Variants in RSPH14 observed in about 807,000 individuals in gnomAD.
The protein encoded by RSPH14 is rhabdoid tumor deletion region gene 1.
A neutral mutation model predicts 26.7 loss-of-function variants in RSPH14; 20 were observed. The ratio of observed to expected loss-of-function variants is 0.75; its 90% CI spans 0.53 to 1.09. The LOEUF is 1.09. RSPH14 is among the 50% of genes least tolerant of loss of function. The pLI is 0.00. For synonymous variants in RSPH14, 177 were observed against 189.3 expected (o/e 0.93, Z 0.53); for missense variants, 449 against 457.2 (o/e 0.98, Z 0.16).
At chr22:23,180,058 G>T in the RSPH14 span, 22 of 348,896 alleles carry the variant, frequency 6.3e-5, no homozygotes, top group Admixed American at 5.3e-4. Context: ...AGGGGCAGAG[G>T]GGGGAGGTTG....
At chr22:23,088,025 C>T (rs1165589795) in intron 4 of RSPH14, among the ~76,000 whole-genome samples, 1 of 152,196 alleles carries the variant, frequency 6.6e-6, no homozygotes. Context: ...TTTGTTTAAA[C>T]TATAAACTAA....
chr22:23,076,014 A>G (rs1027156216), intron 4 of RSPH14, among the ~76,000 whole-genome samples: 1 of 152,180 alleles, frequency 6.6e-6, no homozygotes, highest in Non-Finnish European at 1.5e-5. Flanking sequence ...GCAGCCCCGC[A>G]TCTGGGCAGC....
At chr22:23,130,532 G>GAAAGAAAGAAAGAAAGAAAGAAAGAAAC (rs367560383) in intron 4 of RSPH14, among the ~76,000 whole-genome samples, 1 of 84,872 alleles carries the variant, frequency 1.2e-5, no homozygotes, top group Non-Finnish European at 2.7e-5. Context: ...AAGAAAGAAA[G>GAAAGAAAGAAAGAAAGAAAGAAAGAAAC]AGAAAGAAGG....
intron 4 of RSPH14, among the ~76,000 whole-genome samples, chr22:23,101,240 T>A (rs2069295323): frequency 6.6e-6 from 1 of 151,488 alleles, no homozygotes; most frequent in South Asian, 2.1e-4. Flanking sequence ...TTCCTTCACA[T>A]ACCGCAGGGC....
At chr22:23,126,119 T>C (rs1037800651) in intron 4 of RSPH14, among the ~76,000 whole-genome samples, 1 of 152,236 alleles carries the variant, frequency 6.6e-6, no homozygotes, top group African/African-American at 2.4e-5. Flanking sequence ...TTTTGTGCTT[T>C]TAATGCCAAC....
At chr22:23,159,116 C>A in the RSPH14 span, 1 of 1,602,210 alleles carries the variant, frequency 6.2e-7, no homozygotes, top group South Asian at 1.1e-5. Flanking sequence ...CTGGGCCTCC[C>A]TGCAGGAGAG....
chr22:23,061,627 G>A (rs1049443832), intron 6 of RSPH14, among the ~76,000 whole-genome samples, 182 bp downstream of exon 6: 1 of 152,128 alleles, frequency 6.6e-6, no homozygotes, highest in Admixed American at 6.5e-5. Flanking sequence ...GGGGAGAAGA[G>A]GGAGGGCTGG....
Position 23,138,803 on chromosome 22 carries a change from C to T in RSPH14, c.302+37G>A, listed in dbSNP as rs567760528. Reference sequence around the variant, plus strand: ...ATCCACCCAGGGGAGAAGTGCGGCTCGCAAGCGTCACACTGGTTTCCAGAA... The same window carrying T: ...ATCCACCCAGGGGAGAAGTGCGGCTTGCAAGCGTCACACTGGTTTCCAGAA... On this transcript the variant is annotated intron_variant, in intron 3 of 6. Coordinates refer to ENST00000216036, the MANE Select transcript of RSPH14 (RefSeq NM_014433.3). 23 of 1,519,060 alleles carry T rather than the reference C, an allele frequency of 1.5e-5. No homozygotes were observed. The East Asian group carries it at 3.2e-4, about 21-fold the overall frequency. The allele number at this position is 1,519,060 out of a possible 1,614,324, so 94.1% of individuals were successfully genotyped here.
the RSPH14 span, among the ~76,000 whole-genome samples, chr22:23,160,600 G>A: frequency 6.6e-6 from 1 of 152,334 alleles, no homozygotes; most frequent in East Asian, 1.9e-4. Context: ...GGGAAGCAAA[G>A]GCTCAGAAGT....
At chr22:23,150,285 G>A in the RSPH14 span, 1 of 698,530 alleles carries the variant, frequency 1.4e-6, no homozygotes, top group Non-Finnish European at 2.4e-6. Flanking sequence ...GAAGATGACT[G>A]GGGTTTTCTT....
chr22:23,138,921 G>C lies in RSPH14; in HGVS notation c.221C>G (p.Ala74Gly). Residue 74 changes from alanine to glycine, a missense_variant, in exon 3 of 7, where the codon GCT (alanine) becomes GGT (glycine). Physicochemically the swap from Ala to Gly is moderately conservative, Grantham distance 60. Transcript: ENST00000216036. ...MNIGCMENLK[A>G]LLKDSNSMVR... Reference sequence around the variant, plus strand: ...CATACTGTTGCTATCCTTCAGCAAAGCTTTCAGGTTCTCCATACAGCCTAG... The same window carrying C: ...CATACTGTTGCTATCCTTCAGCAAACCTTTCAGGTTCTCCATACAGCCTAG... 2 of 1,544,696 alleles carry C rather than the reference G, an allele frequency of 1.3e-6. No homozygotes were observed. Among genetic ancestry groups the C allele is most frequent in the Non-Finnish European group, 1.7e-6 (2 of 1,145,176 alleles).
chr22:23,105,114 G>A (rs2069424594), intron 4 of RSPH14, among the ~76,000 whole-genome samples: 1 of 152,132 alleles, frequency 6.6e-6, no homozygotes, highest in African/African-American at 2.4e-5. Flanking sequence ...GAGTCGACTG[G>A]GGGCCCTGGG....
At chr22:23,175,802 C>T in the RSPH14 span, among the ~76,000 whole-genome samples, 1 of 152,232 alleles carries the variant, frequency 6.6e-6, no homozygotes, top group African/African-American at 2.4e-5. Flanking sequence ...CAGGGCCCAC[C>T]TCTGCCCTGC....
chr22:23,150,120 G>T, the RSPH14 span: 4 of 1,612,442 alleles, frequency 2.5e-6, no homozygotes, highest in South Asian at 2.2e-5. Context: ...GCAGGTCAGC[G>T]CTGCCTGCCA....
intron 4 of RSPH14, among the ~76,000 whole-genome samples, chr22:23,130,161 A>AAGAAAGAAAGAG (rs1443157727): frequency 7.2e-6 from 1 of 138,392 alleles, no homozygotes; most frequent in African/African-American, 2.7e-5. Context: ...GAAAGAAAGA[A>AAGAAAGAAAGAG]AAAGAAAAAG....
the RSPH14 span, among the ~76,000 whole-genome samples, chr22:23,155,750 C>A: frequency 6.6e-6 from 1 of 152,214 alleles, no homozygotes. Context: ...ACACCCCCAT[C>A]CACTAGGAAT....
the RSPH14 span, chr22:23,162,604 C>T: frequency 2.2e-6 from 1 of 455,430 alleles, no homozygotes; most frequent in Non-Finnish European, 4.4e-6. Context: ...ACACATTCCC[C>T]AGCCTCTCTG....
chr22:23,059,599 C>T lies in RSPH14; in HGVS notation c.910G>A (p.Glu304Lys), dbSNP rs147385961. 19 of 1,613,712 alleles carry T rather than the reference C, an allele frequency of 1.2e-5. No homozygotes were observed. The African/African-American group carries it at 1.3e-4, about 11-fold the overall frequency. Residue 304 changes from glutamate to lysine, a missense_variant, in exon 7 of 7, where the codon GAG (glutamate) becomes AAG (lysine). Physicochemically the swap from Glu to Lys is moderately conservative, Grantham distance 56 (BLOSUM62 1). Coordinates refer to ENST00000216036, the MANE Select transcript of RSPH14 (RefSeq NM_014433.3). ...KALTMLAEAP[E>K]GRKALQTHVP... Reference sequence around the variant, plus strand: ...TGCGTCTGCAGGGCCTTGCGGCCCTCGGGGGCCTCTGCCAGCATGGTAAGG... The same window carrying T: ...TGCGTCTGCAGGGCCTTGCGGCCCTTGGGGGCCTCTGCCAGCATGGTAAGG...
At chr22:23,160,886 C>T in the RSPH14 span, 60 of 1,613,338 alleles carry the variant, frequency 3.7e-5, no homozygotes, top group African/African-American at 8.0e-5. Flanking sequence ...CAGGCGAGAA[C>T]GTGAAGGCAT....
Sources: allele counts gnomAD v4.1 joint callset (sites outside exome capture counted in the v4.1 genomes callset), GRCh38; gene constraint gnomAD v4.1.1; transcripts MANE v1.5; gene names NCBI Gene and HGNC (gene_info 2026-07-23, HGNC 2026-07-21).